Variants in MGAT5 observed in about 807,000 individuals in gnomAD.
MGAT5 encodes the protein alpha-1,6-mannosylglycoprotein 6-beta-N-acetylglucosaminyltransferase A.
A neutral mutation model predicts 94.3 loss-of-function variants in MGAT5; 30 were observed. That is an observed-to-expected ratio of 0.32 (90% CI 0.24 to 0.43). The LOEUF (loss-of-function observed/expected upper bound fraction) is 0.43. Among genes scored for constraint, MGAT5 ranks in the 20% least tolerant of loss-of-function variants. The pLI is 1.00. For missense variants in MGAT5, 691 were observed against 905.5 expected, an observed-to-expected ratio of 0.76 and a Z score of 3.04; for synonymous variants, 310 against 322.9, an observed-to-expected ratio of 0.96 and a Z score of 0.43.
At chr2:134,254,674 AAAGTGTG>A (rs2105514007) in intron 1 of MGAT5, 30 bp downstream of exon 1, 1 of 1,612,256 alleles carries the variant, frequency 6.2e-7, no homozygotes, top group Non-Finnish European at 8.5e-7. Flanking sequence ...CCTCTCCATT[AAAGTGTG>A]CCTTGGCCTT....
At chr2:134,239,546 C>G (rs1314734852) in intron 1 of MGAT5, among the ~76,000 whole-genome samples, 4 of 152,128 alleles carry the variant, frequency 2.6e-5, no homozygotes, top group Non-Finnish European at 5.9e-5. Context: ...TCCTTCTTAC[C>G]TACCCTCTGA....
intron 10 of MGAT5, among the ~76,000 whole-genome samples, chr2:134,388,724 A>T (rs977838496): frequency 7.4e-6 from 1 of 135,804 alleles, no homozygotes; most frequent in Non-Finnish European, 1.5e-5. Flanking sequence ...AAGTTGGTAG[A>T]TGAGATACAG....
chr2:134,353,998 G>C (rs560306819), intron 9 of MGAT5, among the ~76,000 whole-genome samples: 3 of 152,262 alleles, frequency 2.0e-5, no homozygotes, highest in African/African-American at 7.2e-5. Context: ...ACAAAGGCCT[G>C]GAGTCCAGTC....
chr2:134,355,283 A>G (rs1283521309), intron 9 of MGAT5, among the ~76,000 whole-genome samples: 1 of 152,174 alleles, frequency 6.6e-6, no homozygotes, highest in Non-Finnish European at 1.5e-5. Context: ...GTAGTTTTAC[A>G]TACTTGTCAC....
intron 1 of MGAT5, among the ~76,000 whole-genome samples, chr2:134,201,816 CTTTTTT>C (rs554227745): frequency 1.5e-5 from 1 of 67,876 alleles, no homozygotes; most frequent in Non-Finnish European, 2.8e-5. Context: ...CCAAGCGCTG[CTTTTTT>C]TTTTTTTTTT....
chr2:134,193,675 TTGTGTGTGTGTGTGTGTGTGTGTGTG>T (rs58044792), intron 1 of MGAT5, among the ~76,000 whole-genome samples: 8 of 130,806 alleles, frequency 6.1e-5, no homozygotes, highest in African/African-American at 1.4e-4. Context: ...CCCCAAATCT[TTGTGTGTGTGTGTGTGTGTGTGTGTG>T]TGTGTGTGTG....
chr2:134,301,347 CT>C (rs1425595094), intron 2 of MGAT5, among the ~76,000 whole-genome samples: 1 of 152,056 alleles, frequency 6.6e-6, no homozygotes, highest in Non-Finnish European at 1.5e-5. Context: ...ATGAGCCTGT[CT>C]TTTTTTCTAA....
chr2:134,182,252 A>G (rs1688767477), intron 1 of MGAT5, among the ~76,000 whole-genome samples: 2 of 152,226 alleles, frequency 1.3e-5, no homozygotes, highest in South Asian at 2.1e-4. Context: ...GGGAATTTCA[A>G]TTAGTGATCT....
chr2:134,350,757 A>C (rs1187130159), intron 9 of MGAT5, among the ~76,000 whole-genome samples: 2 of 152,194 alleles, frequency 1.3e-5, no homozygotes, highest in African/African-American at 4.8e-5. Context: ...AGTAGTCCTT[A>C]GTAATGAGAT....
At chr2:134,121,279 AGCCTGGTGGACCCGCGCGCGGTGC>A (rs1212197476) in intron 1 of MGAT5, among the ~76,000 whole-genome samples, 9 of 152,146 alleles carry the variant, frequency 5.9e-5, no homozygotes, top group Non-Finnish European at 1.0e-4. Flanking sequence ...CGCGGCTCTC[AGCCTGGTGGACCCGCGCGCGGTGC>A]GCCCGCTTGG....
intron 15 of MGAT5, among the ~76,000 whole-genome samples, chr2:134,443,125 CT>C (rs1685577632): frequency 6.6e-6 from 1 of 152,040 alleles, no homozygotes; most frequent in Admixed American, 6.5e-5. Context: ...TGTGTGGCCT[CT>C]TGTGTCCTGC....
At chr2:134,412,730 C>T (rs1683742147) in intron 11 of MGAT5, 139 bp from the exon 12 acceptor site, 1 of 1,055,410 alleles carries the variant, frequency 9.5e-7, no homozygotes, top group Non-Finnish European at 1.4e-6. Flanking sequence ...CCCCACCCCC[C>T]AGGGCCTGGG....
chr2:134,418,476 A>AG (rs1259794197), intron 12 of MGAT5, among the ~76,000 whole-genome samples: 1 of 152,214 alleles, frequency 6.6e-6, no homozygotes, highest in Non-Finnish European at 1.5e-5. Flanking sequence ...CAGGATGCAG[A>AG]GGGGAGTTGA....
intron 7 of MGAT5, 85 bp downstream of exon 7, chr2:134,341,844 A>AT: frequency 1.6e-6 from 2 of 1,237,520 alleles, no homozygotes; most frequent in Admixed American, 2.7e-5. Flanking sequence ...TTAGTGTATA[A>AT]TTTTTTGTCG....
intron 14 of MGAT5, among the ~76,000 whole-genome samples, chr2:134,439,882 GGAGGGA>G (rs1685385861): frequency 3.3e-5 from 5 of 152,212 alleles, no homozygotes; most frequent in Non-Finnish European, 7.3e-5. Flanking sequence ...GACAGACAAG[GGAGGGA>G]CAGAAACATT....
chr2:134,407,626 A>G (rs913301469), intron 11 of MGAT5, among the ~76,000 whole-genome samples: 5 of 152,216 alleles, frequency 3.3e-5, no homozygotes, highest in African/African-American at 1.2e-4. Context: ...GATATATTCT[A>G]GGCCTTAGTC....
chr2:134,306,319 T>C (rs1686327658), intron 2 of MGAT5, among the ~76,000 whole-genome samples: 1 of 152,182 alleles, frequency 6.6e-6, no homozygotes, highest in Non-Finnish European at 1.5e-5. Context: ...ATCCAAACTA[T>C]ATTACAAACT....
chr2:134,225,584 G>A (rs1681018424), intron 1 of MGAT5, among the ~76,000 whole-genome samples: 1 of 151,968 alleles, frequency 6.6e-6, no homozygotes, highest in African/African-American at 2.4e-5. Flanking sequence ...TTACCTTTCT[G>A]TGGGTATTCA....
In MGAT5 at chr2:134,452,550, G is replaced by A. The variant is rs1238444731; in HGVS notation, c.*3703G>A. The A allele has an allele frequency of 2.6e-5, 4 of 152,230 alleles. No homozygotes were observed. Among genetic ancestry groups the A allele is most frequent in the Non-Finnish European group, 5.9e-5 (4 of 68,044 alleles). The allele number at this position is 152,230 out of a possible 1,614,324, so 9.4% of individuals were successfully genotyped here. On this transcript the variant is annotated 3_prime_UTR_variant, in exon 16 of 16. Coordinates refer to ENST00000281923, the MANE Select transcript of MGAT5 (RefSeq NM_002410.5). ...TGACATCAGTATGATGTGTTGGACT[G>A]AAACTGTATGTCTGTAGGTAGGTGT...
Sources: allele counts gnomAD v4.1 joint callset (sites outside exome capture counted in the v4.1 genomes callset), GRCh38; gene constraint gnomAD v4.1.1; transcripts MANE v1.5; gene names NCBI Gene and HGNC (gene_info 2026-07-23, HGNC 2026-07-21).